The following ATR variants were observed in gnomAD, a reference collection of about 807,000 sequenced individuals.
The protein encoded by ATR is serine/threonine-protein kinase ATR.
Under a neutral mutation model 305.3 loss-of-function variants are expected in ATR, and 142 were observed. That is an observed-to-expected ratio of 0.47 (90% confidence interval 0.41 to 0.53). ATR has a LOEUF of 0.53. ATR is among the 20% of genes least tolerant of loss of function. The probability of loss-of-function intolerance (pLI) is 0.00; values close to 1 mark genes in which losing one functional copy is unlikely to be tolerated. For missense variants in ATR, 2,135 were observed against 3,133.1 expected, an observed-to-expected ratio of 0.68 and a Z score of 7.60; for synonymous variants, 1,050 against 1,068.1, an observed-to-expected ratio of 0.98 and a Z score of 0.33.
At chr3:142,465,431 G>A (rs1342149573) in intron 40 of ATR, 191 bp from the exon 41 acceptor site, 7 of 375,214 alleles carry the variant, frequency 1.9e-5, no homozygotes, top group African/African-American at 4.2e-5. Flanking sequence ...TCTATGAACA[G>A]AAACATTTTC....
chr3:142,540,790 T>C, intron 18 of ATR, 114 bp downstream of exon 18: 2 of 1,263,114 alleles, frequency 1.6e-6, no homozygotes, highest in Non-Finnish European at 2.2e-6. Context: ...TAAATAGTCT[T>C]TCTACCTTAT....
At chr3:142,527,301 T>C (rs965205352) in intron 21 of ATR, among the ~76,000 whole-genome samples, 4 of 152,180 alleles carry the variant, frequency 2.6e-5, no homozygotes, top group African/African-American at 9.6e-5. Context: ...TGAGACTATT[T>C]AGTTTGTGAA....
chr3:142,506,337 A>G (rs2032234259), intron 28 of ATR, among the ~76,000 whole-genome samples: 1 of 152,224 alleles, frequency 6.6e-6, no homozygotes, highest in Admixed American at 6.5e-5. Flanking sequence ...AAGAAGTTAC[A>G]TCTTGAAATT....
intron 40 of ATR, 32 bp downstream of exon 40, chr3:142,466,292 T>A (rs1159070529): frequency 2.0e-5 from 32 of 1,585,496 alleles, no homozygotes; most frequent in Non-Finnish European, 2.7e-5. Flanking sequence ...AACTAAATTT[T>A]AAAATCATAG....
intron 42 of ATR, among the ~76,000 whole-genome samples, chr3:142,461,185 G>A (rs1350460161): frequency 6.6e-6 from 1 of 152,020 alleles, no homozygotes; most frequent in African/African-American, 2.4e-5. Flanking sequence ...GTATCTGATA[G>A]GGAGATACTT....
intron 25 of ATR, among the ~76,000 whole-genome samples, chr3:142,514,527 G>C (rs1428305412): frequency 1.3e-5 from 2 of 151,700 alleles, no homozygotes; most frequent in Non-Finnish European, 2.9e-5. Flanking sequence ...CCAGCCACTT[G>C]GGAGGCTGAG....
In ATR at chr3:142,547,924, ATGTT is replaced by A; in HGVS notation, c.3172-18_3172-15del. Reference sequence around the variant, plus strand: ...TTCTGTTTCATTCTAACCCAAAGACATGTTAAAAAAAATTTTTTTCTTCATACTA... The same window carrying A: ...TTCTGTTTCATTCTAACCCAAAGACAAAAAAAAATTTTTTTCTTCATACTA... On this transcript the variant is annotated splice_polypyrimidine_tract_variant and intron_variant, in intron 15 of 46. Transcript: ENST00000350721. The A allele has an allele frequency of 6.2e-7, 1 of 1,613,448 alleles. No homozygotes were observed. Among genetic ancestry groups the A allele is most frequent in the Non-Finnish European group, 8.5e-7 (1 of 1,179,704 alleles).
intron 46 of ATR, chr3:142,451,696 C>T: frequency 2.5e-6 from 3 of 1,190,690 alleles, no homozygotes; most frequent in Non-Finnish European, 2.1e-6. Flanking sequence ...CCTCCCACCT[C>T]AGCCTCCCAA....
intron 21 of ATR, among the ~76,000 whole-genome samples, chr3:142,525,729 GAT>G (rs1348773288): frequency 6.6e-6 from 1 of 152,212 alleles, no homozygotes; most frequent in Admixed American, 6.5e-5. Context: ...TAGTTCAAGT[GAT>G]AACTGGTTAT....
At chr3:142,491,396 C>G (rs2031268905) in intron 35 of ATR, among the ~76,000 whole-genome samples, 1 of 152,108 alleles carries the variant, frequency 6.6e-6, no homozygotes, top group Non-Finnish European at 1.5e-5. Context: ...GAAACAGAAC[C>G]TGAAAAGTTG....
At chr3:142,484,346 C>T (rs751945886) in intron 36 of ATR, among the ~76,000 whole-genome samples, 2 of 152,156 alleles carry the variant, frequency 1.3e-5, no homozygotes, top group Non-Finnish European at 2.9e-5. Context: ...GTAATAAAGA[C>T]TCCATTAAAA....
chr3:142,571,161 G>A lies in ATR; in HGVS notation c.60-3007C>T, dbSNP rs114207189. 5.7e-3 allele frequency among the ~76,000 whole-genome samples: 867 copies of A among 152,128 alleles called. 11 individuals are homozygous for A. The highest frequency in any genetic ancestry group is 0.02 in the African/African-American group (834 of 41,514). On this transcript the variant is annotated intron_variant, in intron 1 of 46. Coordinates refer to ENST00000350721, the MANE Select transcript of ATR (RefSeq NM_001184.4). ...CAGAATAGTTGCTGGGGAGAGGAGA[G>A]GAATGCACTTAAATAATCAAAAGCG...
Position 142,497,137 on chromosome 3 carries a change from G to C in ATR, c.5614C>G (p.Pro1872Ala), listed in dbSNP as rs766051038. 1 of 1,614,054 alleles carries C rather than the reference G, an allele frequency of 6.2e-7. No homozygotes were observed. The highest frequency in any genetic ancestry group is 1.1e-5 in the South Asian group (1 of 91,080). Residue 1872 changes from proline to alanine, a missense_variant, in exon 33 of 47, where the codon CCA (proline) becomes GCA (alanine). This residue lies in a region of ATR where 117 missense variants were observed against 198.3 expected (regional missense o/e 0.59). Coordinates refer to ENST00000350721, the MANE Select transcript of ATR (RefSeq NM_001184.4). ...HSIKPLFQHS[P>A]GDSSQEDSLN... ...GAATCTTCTTGAGAACTGTCACCTG[G>C]AGAATGCTGGAAAAGTGGTTTGATG...
At chr3:142,471,927 T>C (rs958226670) in intron 36 of ATR, 18 of 152,174 alleles carry the variant, frequency 1.2e-4, no homozygotes, top group African/African-American at 4.3e-4. Context: ...TACTCTCTAG[T>C]TCTATGAGTT....
At chr3:142,468,766 G>A (rs1319292481) in intron 38 of ATR, among the ~76,000 whole-genome samples, 2 of 152,132 alleles carry the variant, frequency 1.3e-5, no homozygotes, top group African/African-American at 4.8e-5. Context: ...AAAGCAGAAA[G>A]ATCACTTGAG....
At chr3:142,508,937 A>AG (rs1300910300) in intron 27 of ATR, among the ~76,000 whole-genome samples, 50 of 151,176 alleles carry the variant, frequency 3.3e-4, no homozygotes, top group African/African-American at 9.7e-4. Context: ...AAAAAAAAAA[A>AG]AAAGAAAGAA....
chr3:142,577,164 A>G (rs1463461535), intron 1 of ATR, among the ~76,000 whole-genome samples: 1 of 152,096 alleles, frequency 6.6e-6, no homozygotes. Context: ...CTATTAGACA[A>G]CTCTCTGTGG....
intron 46 of ATR, chr3:142,450,022 A>G (rs1260207282): frequency 6.6e-6 from 2 of 301,654 alleles, no homozygotes; most frequent in Non-Finnish European, 1.3e-5. Context: ...GAACTGTACA[A>G]TTTCTTAAGC....
chr3:142,459,661 G>A (rs1228197256), intron 42 of ATR, among the ~76,000 whole-genome samples: 2 of 151,996 alleles, frequency 1.3e-5, no homozygotes, highest in Non-Finnish European at 2.9e-5. Flanking sequence ...ACCAAACATG[G>A]ATCAAAAACA....
Sources: allele counts gnomAD v4.1 joint callset (sites outside exome capture counted in the v4.1 genomes callset), GRCh38; gene constraint gnomAD v4.1.1; regional missense constraint gnomAD v4.1.1; transcripts MANE v1.5; gene names NCBI Gene and HGNC (gene_info 2026-07-23, HGNC 2026-07-21).